Variants in ADAT2 observed in about 807,000 individuals in gnomAD.
The protein encoded by ADAT2 is tRNA-specific adenosine-34 deaminase catalytic subunit ADAT2.
ADAT2 carries 26 observed loss-of-function variants against 25.9 expected under a neutral mutation model. The observed-to-expected ratio is 1.00, with a 90% CI of 0.74 to 1.39. The LOEUF is 1.39. Ranked by LOEUF, ADAT2 falls within the 40% of genes most tolerant of loss-of-function variation. The probability of loss-of-function intolerance (pLI) is 0.00; values close to 1 mark genes in which losing one functional copy is unlikely to be tolerated. For missense variants in ADAT2, 220 were observed against 244.8 expected, an observed-to-expected ratio of 0.90 and a Z score of 0.68; for synonymous variants, 76 against 86.8, an observed-to-expected ratio of 0.88 and a Z score of 0.69.
chr6:143,429,688 T>C (rs1427103306), intron 4 of ADAT2, among the ~76,000 whole-genome samples: 1 of 152,080 alleles, frequency 6.6e-6, no homozygotes, highest in African/African-American at 2.4e-5. Context: ...TCAGAAGAGT[T>C]TGGACTTAAA....
chr6:143,438,722 C>T (rs375479014), intron 1 of ADAT2, 28 bp from the exon 2 acceptor site: 4 of 1,545,552 alleles, frequency 2.6e-6, no homozygotes, highest in Non-Finnish European at 3.6e-6. Flanking sequence ...AAATGTAAGA[C>T]GTAATACTCC....
rs1343431607 is a variant in ADAT2 at position 143,428,305 on chromosome 6, C to T, written c.*158G>A. ...ACAATTGTCAGACTTCTAAAAAGTG[C>T]TAATTTGTTCCCTTAACAGAGCAAA... On this transcript the variant is annotated 3_prime_UTR_variant, in exon 6 of 6. Coordinates refer to ENST00000237283, the MANE Select transcript of ADAT2 (RefSeq NM_182503.3). This position sits in a 1 kb window ranked among gnomAD's most constrained non-coding sequence, Gnocchi z 5.0. The T allele has an allele frequency of 2.7e-6, 2 of 742,846 alleles. No homozygotes were observed. Among genetic ancestry groups the T allele is most frequent in the Non-Finnish European group, 4.3e-6 (2 of 460,556 alleles). The allele number at this position is 742,846 out of a possible 1,614,324, so 46.0% of individuals were successfully genotyped here. A position where few individuals can be genotyped will look rare whatever the true frequency, so the allele number is the denominator to read the frequency against.
Position 143,428,830 on chromosome 6 carries a change from G to T in ADAT2, c.460-146C>A. ...GGATATTAGTAACATGGGTAAGGAG[G>T]TACACTTCCAAAAGATGTTTGATAT... On this transcript the variant is annotated intron_variant, in intron 4 of 5. Transcript: ENST00000237283. This position sits in a 1 kb window ranked among gnomAD's most constrained non-coding sequence, Gnocchi z 5.0. The T allele has an allele frequency of 1.4e-6, 1 of 706,308 alleles. No homozygotes were observed. The highest frequency in any genetic ancestry group is 2.3e-6 in the Non-Finnish European group (1 of 435,160). The allele number at this position is 706,308 out of a possible 1,614,324, so 43.8% of individuals were successfully genotyped here. A position where few individuals can be genotyped will look rare whatever the true frequency, so the allele number is the denominator to read the frequency against.
In ADAT2 at chr6:143,434,587, A is replaced by G. The variant is rs1288639266; in HGVS notation, c.202-606T>C. On this transcript the variant is annotated intron_variant, in intron 2 of 5. Transcript: ENST00000237283. This position sits in a 1 kb window ranked among gnomAD's most constrained non-coding sequence, Gnocchi z 4.5. ...ACTCCATTTAAATTTGAATTTTGAC[A>G]GTGACATTACCAATTATGTGGACTT... Among the ~76,000 whole-genome samples, 2 of 152,240 alleles carry G rather than the reference A, an allele frequency of 1.3e-5. No homozygotes were observed. Among genetic ancestry groups the G allele is most frequent in the African/African-American group, 4.8e-5 (2 of 41,468 alleles).
rs1779023770 is a variant in ADAT2, at chr6:143,428,899, C to G, written c.460-215G>C. ...CCCAATCAACTGTTATTAGGCATCA[C>G]TCCCAATCAACTGTTATTCATCCAT... On this transcript the variant is annotated intron_variant, in intron 4 of 5. Coordinates refer to ENST00000237283, the MANE Select transcript of ADAT2 (RefSeq NM_182503.3). The surrounding 1 kb of genome is among the most constrained non-coding windows in gnomAD (Gnocchi z 5.0). 6.6e-6 allele frequency among the ~76,000 whole-genome samples: 1 copy of G among 152,202 alleles called. No homozygotes were observed. Among genetic ancestry groups the G allele is most frequent in the Non-Finnish European group, 1.5e-5 (1 of 68,036 alleles).
intron 1 of ADAT2, among the ~76,000 whole-genome samples, chr6:143,443,772 A>C (rs1779524568): frequency 6.6e-6 from 1 of 150,834 alleles, no homozygotes. Flanking sequence ...CGGAGGTTGC[A>C]GTGAGCCCAG....
intron 4 of ADAT2, among the ~76,000 whole-genome samples, chr6:143,430,351 C>G (rs976279585): frequency 6.6e-6 from 1 of 152,162 alleles, no homozygotes; most frequent in African/African-American, 2.4e-5. Flanking sequence ...TGGCCCCCTG[C>G]CTTCTGATTC....
chr6:143,428,552 A>T lies in ADAT2; in HGVS notation c.533-46T>A. 6.2e-7 allele frequency: 1 copy of T among 1,612,128 alleles called. No individual in the cohort carries two copies. Among genetic ancestry groups the T allele is most frequent in the Non-Finnish European group, 8.5e-7 (1 of 1,178,430 alleles). ...AAAAAGAAAATGAAGAGGTAAGCTC[A>T]TAGCAGATTCTCTTTGTATGGATTT... is the stretch of plus-strand genomic sequence containing the variant. On this transcript the variant is annotated intron_variant, in intron 5 of 5. Transcript: ENST00000237283. This position sits in a 1 kb window ranked among gnomAD's most constrained non-coding sequence, Gnocchi z 5.0.
intron 1 of ADAT2, chr6:143,445,053 A>AT: frequency 1.2e-6 from 1 of 813,164 alleles, no homozygotes; most frequent in Non-Finnish European, 1.8e-6. Flanking sequence ...AGGCTAAACT[A>AT]TATAACTGTT....
rs373143968 is a variant in ADAT2, at chr6:143,428,496, C to T, written c.543G>A (p.Ser181=). The stretch of plus-strand genomic sequence containing the variant: ...TCTGACATTCCTTTTTCCGAACTTT[C>T]GATTTTGGTGCTGTGAAAAGAATAG... ...YKQENPNAPK[S]KVRKKECQKS The change falls in exon 6 of 6, where the codon TCG becomes TCA. Residue 181 remains serine, a synonymous_variant. Transcript: ENST00000237283. This position sits in a 1 kb window ranked among gnomAD's most constrained non-coding sequence, Gnocchi z 5.0. The T allele has an allele frequency of 1.6e-5, 26 of 1,613,650 alleles. No homozygotes were observed. The East Asian group carries it at 1.8e-4, about 11-fold the overall frequency.
chr6:143,447,760 C>T (rs1184634561), intron 1 of ADAT2, among the ~76,000 whole-genome samples: 1 of 151,680 alleles, frequency 6.6e-6, no homozygotes. Context: ...CCAAATTGTC[C>T]TAATAAAAGG....
Position 143,440,402 on chromosome 6 carries a change from T to A in ADAT2, c.97-1708A>T, listed in dbSNP as rs1779423441. On this transcript the variant is annotated intron_variant, in intron 1 of 5. Coordinates refer to ENST00000237283, the MANE Select transcript of ADAT2 (RefSeq NM_182503.3). The surrounding 1 kb of genome is among the most constrained non-coding windows in gnomAD (Gnocchi z 4.5). Reference sequence around the variant, plus strand: ...AGGCATACAGGATTTCCTCAGTTATTCCCACCATGTTCAACGGACACTTAT... The same window carrying A: ...AGGCATACAGGATTTCCTCAGTTATACCCACCATGTTCAACGGACACTTAT... Among the ~76,000 whole-genome samples, 1 of 152,196 alleles carries A rather than the reference T, an allele frequency of 6.6e-6. No homozygotes were observed. The highest frequency in any genetic ancestry group is 2.4e-5 in the African/African-American group (1 of 41,442).
chr6:143,439,056 C>T (rs79297009), intron 1 of ADAT2, among the ~76,000 whole-genome samples: 1,687 of 152,188 alleles, frequency 0.011, 26 homozygotes, highest in African/African-American at 0.038. Flanking sequence ...GACTAAATAA[C>T]ACTTATAGAT....
Position 143,437,116 on chromosome 6 carries a change from A to G in ADAT2, c.201+1474T>C, listed in dbSNP as rs1779311678. On this transcript the variant is annotated intron_variant, in intron 2 of 5. Coordinates refer to ENST00000237283, the MANE Select transcript of ADAT2 (RefSeq NM_182503.3). The surrounding 1 kb of genome is among the most constrained non-coding windows in gnomAD (Gnocchi z 4.1). ...CATATTAACTACAGATTTTCTATGC[A>G]GTGAACATGGTTATATATAAATCTG... Among the ~76,000 whole-genome samples the G allele has an allele frequency of 6.6e-6, 1 of 152,212 alleles. No individual in the cohort carries two copies. Among genetic ancestry groups the G allele is most frequent in the East Asian group, 1.9e-4 (1 of 5,194 alleles).
Position 143,450,686 on chromosome 6 carries a change from C to G in ADAT2, c.-28G>C, listed in dbSNP as rs568215408. On this transcript the variant is annotated 5_prime_UTR_variant, in exon 1 of 6. Coordinates refer to ENST00000237283, the MANE Select transcript of ADAT2 (RefSeq NM_182503.3). ...CCAGCCACCACTCAGCTACAGAGCC[C>G]GCGGCAGAGGAGGAGCGCGGGCAGC... 1.9e-6 allele frequency: 3 copies of G among 1,609,264 alleles called. No homozygotes were observed. The African/African-American group carries it at 4.0e-5, about 21-fold the overall frequency.
chr6:143,429,036 A>G (rs1448718019), intron 4 of ADAT2, among the ~76,000 whole-genome samples: 3 of 152,198 alleles, frequency 2.0e-5, no homozygotes, highest in Non-Finnish European at 4.4e-5. Flanking sequence ...GGATTTTGTG[A>G]GGATTAAGTG....
Position 143,423,561 on chromosome 6 carries a change from G to A in ADAT2, c.*4902C>T, listed in dbSNP as rs562432274. 1.1e-4 allele frequency: 16 copies of A among 152,222 alleles called. No homozygotes were observed. The highest frequency in any genetic ancestry group is 3.9e-4 in the African/African-American group (16 of 41,506). The allele number at this position is 152,222 out of a possible 1,614,324, so 9.4% of individuals were successfully genotyped here. Reference sequence around the variant, plus strand: ...GACTTAATTCAGGACTACAGTGATAGGTTTTAAAACTATCGCAGGTTTTAA... The same window carrying A: ...GACTTAATTCAGGACTACAGTGATAAGTTTTAAAACTATCGCAGGTTTTAA... On this transcript the variant is annotated 3_prime_UTR_variant, in exon 6 of 6. Coordinates refer to ENST00000237283, the MANE Select transcript of ADAT2 (RefSeq NM_182503.3).
At chr6:143,438,235 G>A (rs995931936) in intron 2 of ADAT2, among the ~76,000 whole-genome samples, 1 of 152,056 alleles carries the variant, frequency 6.6e-6, no homozygotes, top group African/African-American at 2.4e-5. Context: ...TATTAGATTG[G>A]CTTAAAGTAG....
chr6:143,450,414 T>C, intron 1 of ADAT2, 149 bp downstream of exon 1: 7 of 806,190 alleles, frequency 8.7e-6, no homozygotes, highest in Non-Finnish European at 1.4e-5. Context: ...ACAGAAAGTT[T>C]CGAGGCAGTA....
Sources: gnomAD v4.1 joint callset for allele counts (sites outside exome capture counted in the v4.1 genomes callset) on GRCh38, gnomAD v4.1.1 for gene constraint, Gnocchi (gnomAD v3.1) non-coding constraint, MANE v1.5 for transcripts, NCBI Gene and HGNC (gene_info 2026-07-23, HGNC 2026-07-21) for gene names.